TMEM176B: variants seen among roughly 807,000 people sequenced by gnomAD.
The protein encoded by TMEM176B is LR8-like protein.
A neutral mutation model predicts 30.3 loss-of-function variants in TMEM176B; 28 were observed. The ratio of observed to expected loss-of-function variants is 0.92; its 90% CI spans 0.68 to 1.27. The LOEUF is 1.27. TMEM176B is among the 50% of genes most tolerant of loss of function. The probability of loss-of-function intolerance (pLI) is 0.00; values close to 1 mark genes in which losing one functional copy is unlikely to be tolerated. For missense variants in TMEM176B, 349 were observed against 327.4 expected (o/e 1.07, Z -0.51); for synonymous variants, 123 against 130.3 (o/e 0.94, Z 0.38).
chr7:150,800,073 A>T (rs1249248037), intron 1 of TMEM176B: 1 of 151,968 alleles, frequency 6.6e-6, no homozygotes, highest in Admixed American at 6.6e-5. Context: ...GGTGGACGGG[A>T]CGCGCCAGCC....
At chr7:150,796,812 C>T (rs118173737) in intron 1 of TMEM176B, 27 of 477,968 alleles carry the variant, frequency 5.6e-5, no homozygotes, top group South Asian at 4.0e-4. Context: ...TACAAAAATC[C>T]GCACGGTGGT....
rs371966025 is a variant in TMEM176B, at chr7:150,796,336, C to T, written c.204+30G>A. ...TTGACCTCATCACCTCGTTAACGTG[C>T]CCCCCAACCCCGCACCACCCCAGTC... On this transcript the variant is annotated intron_variant, in intron 2 of 6. Transcript: ENST00000326442. The T allele has an allele frequency of 8.3e-5, 133 of 1,597,022 alleles. 1 individual carries two copies. In the East Asian group the frequency reaches 2.6e-3, roughly 31 times the overall value.
intron 6 of TMEM176B, 82 bp from the exon 7 acceptor site, chr7:150,791,705 A>G: frequency 7.9e-7 from 1 of 1,269,038 alleles, no homozygotes; most frequent in South Asian, 1.4e-5. Flanking sequence ...AAGCAGAAAG[A>G]GGAAAGGAGG....
rs113219674 is a variant in TMEM176B at position 150,791,607 on chromosome 7, T to G, written c.737A>C (p.Glu246Ala). ...SSQPLNEEGSEKRLLGENSVP... is the reference protein window; with the variant it reads ...SSQPLNEEGSAKRLLGENSVP... ...TGAATTCTCCCCCAGTAGCCTCTTC[T>G]CTGATCCTTCCTCATTCTGGAAAAA... Residue 246 changes from glutamate (E) to alanine (A), a missense_variant, in exon 7 of 7, where the codon GAG (glutamate) becomes GCG (alanine). Transcript: ENST00000326442. The G allele has an allele frequency of 1.9e-6, 3 of 1,613,688 alleles. No homozygotes were observed. In the African/African-American group the frequency reaches 4.0e-5, roughly 22 times the overall value.
chr7:150,793,530 T>C lies in TMEM176B; in HGVS notation c.372+14A>G. ...GTCAGTGAACAAGGTGGAGAGAGGGTGTCCAAGACTCACAGCAAGTTTGCC... is the reference window on the plus strand; with the variant it reads ...GTCAGTGAACAAGGTGGAGAGAGGGCGTCCAAGACTCACAGCAAGTTTGCC... On this transcript the variant is annotated intron_variant, in intron 4 of 6. Transcript: ENST00000326442. The C allele has an allele frequency of 1.2e-6, 2 of 1,612,454 alleles. No individual in the cohort carries two copies. Among genetic ancestry groups the C allele is most frequent in the South Asian group, 2.2e-5 (2 of 90,602 alleles).
At chr7:150,797,603 T>C (rs1219256351) in intron 1 of TMEM176B, among the ~76,000 whole-genome samples, 1 of 152,198 alleles carries the variant, frequency 6.6e-6, no homozygotes, top group Non-Finnish European at 1.5e-5. Context: ...CTCACAGAAG[T>C]ATTTTTTTGT....
Position 150,795,500 on chromosome 7 carries a change from T to C in TMEM176B, c.204+866A>G, listed in dbSNP as rs117377856. 8.2e-3 allele frequency among the ~76,000 whole-genome samples: 1,251 copies of C among 152,330 alleles called. 12 individuals are homozygous for C. Among genetic ancestry groups the C allele is most frequent in the Middle Eastern group, 0.024 (7 of 294 alleles). On this transcript the variant is annotated intron_variant, in intron 2 of 6. Coordinates refer to ENST00000326442, the MANE Select transcript of TMEM176B (RefSeq NM_001101312.2). ...GCTTCTCCCTCACCTGATCTACCTTTAGTTCCAGTCATTAGTGTAGCTGCT... is the reference window on the plus strand; with the variant it reads ...GCTTCTCCCTCACCTGATCTACCTTCAGTTCCAGTCATTAGTGTAGCTGCT...
rs556100315 is a variant in TMEM176B at position 150,794,359 on chromosome 7, C to G, written c.205-288G>C. On this transcript the variant is annotated intron_variant, in intron 2 of 6. Transcript: ENST00000326442. Reference sequence around the variant, plus strand: ...CCTGAAGATTCCCACTTTTCCCCCCCCATTCTCCTTCAGAGGTCCCATTGT... The same window carrying G: ...CCTGAAGATTCCCACTTTTCCCCCCGCATTCTCCTTCAGAGGTCCCATTGT... Among the ~76,000 whole-genome samples, 5 of 152,124 alleles carry G rather than the reference C, an allele frequency of 3.3e-5. No homozygotes were observed. The South Asian group carries it at 6.2e-4, about 19-fold the overall frequency.
intron 1 of TMEM176B, 160 bp downstream of exon 1, chr7:150,800,138 C>G (rs1027019387): frequency 1.3e-5 from 2 of 152,666 alleles, no homozygotes; most frequent in East Asian, 3.8e-4. Flanking sequence ...CACCTGCACC[C>G]AGCTGTCCCT....
intron 1 of TMEM176B, among the ~76,000 whole-genome samples, chr7:150,797,575 C>G (rs999487172): frequency 6.6e-6 from 1 of 152,200 alleles, no homozygotes; most frequent in African/African-American, 2.4e-5. Flanking sequence ...GTTAGACAGG[C>G]AGTTGCTGGT....
chr7:150,793,088 C>G lies in TMEM176B; in HGVS notation c.600G>C (p.Arg200Ser). The G allele has an allele frequency of 1.2e-6, 2 of 1,613,732 alleles. No individual in the cohort carries two copies. The highest frequency in any genetic ancestry group is 1.7e-6 in the Non-Finnish European group (2 of 1,179,874). Residue 200 changes from arginine to serine, a missense_variant and splice_region_variant, in exon 5 of 7, where the codon AGG (arginine) becomes AGC (serine). By Grantham distance (110) the Arg-to-Ser change is moderately radical. Transcript: ENST00000326442. The part of the protein sequence containing the change: ...EECRAYMQML[R>S]KLFTAIRALF... ...CGAAGACTGGACTCTTCCTGCTCAC[C>G]CTCAGCATCTGCATGTAAGCTCTAC... is the stretch of plus-strand genomic sequence containing the variant.
intron 2 of TMEM176B, 113 bp from the exon 3 acceptor site, chr7:150,794,184 C>G: frequency 1.4e-6 from 1 of 691,662 alleles, no homozygotes; most frequent in Middle Eastern, 2.5e-4. Flanking sequence ...TTTTCCTCTG[C>G]CTTGACCTCT....
chr7:150,791,819 G>T (rs913372884), intron 6 of TMEM176B, among the ~76,000 whole-genome samples, 196 bp from the exon 7 acceptor site: 8 of 151,866 alleles, frequency 5.3e-5, no homozygotes, highest in Admixed American at 2.0e-4. Context: ...AGAGGGGAGA[G>T]TGGGGAGATC....
At position 150,791,330 on chromosome 7, in the gene TMEM176B, T is replaced by A. The variant is rs1798293289; in HGVS notation, c.*201A>T. 1.9e-6 allele frequency: 1 copy of A among 514,506 alleles called. No individual in the cohort carries two copies. The highest frequency in any genetic ancestry group is 1.9e-5 in the African/African-American group (1 of 52,510). 31.9% of individuals were successfully genotyped at this position (514,506 alleles called of 1,614,324 possible). A position where few individuals can be genotyped will look rare whatever the true frequency, so the allele number is the denominator to read the frequency against. On this transcript the variant is annotated 3_prime_UTR_variant, in exon 7 of 7. Coordinates refer to ENST00000326442, the MANE Select transcript of TMEM176B (RefSeq NM_001101312.2). ...TTTCTGGATTGTTTATTATGTTTAA[T>A]CAGCATTGTGGAAAATGCAACAATA...
At chr7:150,792,436 GA>G in intron 5 of TMEM176B, among the ~76,000 whole-genome samples, 1 of 152,310 alleles carries the variant, frequency 6.6e-6, no homozygotes, top group East Asian at 1.9e-4. Flanking sequence ...CAGTGAAAGT[GA>G]CACTATACAG....
intron 3 of TMEM176B, 116 bp from the exon 4 acceptor site, chr7:150,793,716 CAAA>C: frequency 1.1e-6 from 1 of 929,116 alleles, no homozygotes; most frequent in Non-Finnish European, 1.7e-6. Flanking sequence ...CAGGGACAGA[CAAA>C]GAACTCTGAC....
At chr7:150,791,742 G>C in intron 6 of TMEM176B, 119 bp from the exon 7 acceptor site, 1 of 957,864 alleles carries the variant, frequency 1.0e-6, no homozygotes, top group South Asian at 1.8e-5. Flanking sequence ...GACAGGAAAA[G>C]CAGATCAGGC....
chr7:150,800,406 C>T (rs956980661), upstream of TMEM176B: 1 of 152,098 alleles, frequency 6.6e-6, no homozygotes, highest in Non-Finnish European at 1.5e-5. Context: ...GGGCTGCGGC[C>T]CCGCCCAGGC....
intron 1 of TMEM176B, among the ~76,000 whole-genome samples, chr7:150,797,412 G>A (rs1798571360): frequency 6.6e-6 from 1 of 152,190 alleles, no homozygotes; most frequent in East Asian, 1.9e-4. Flanking sequence ...GCATTGCAAT[G>A]AGAATATGCT....
Sources: allele counts gnomAD v4.1 joint callset (sites outside exome capture counted in the v4.1 genomes callset), GRCh38; gene constraint gnomAD v4.1.1; transcripts MANE v1.5; gene names NCBI Gene and HGNC (gene_info 2026-07-23, HGNC 2026-07-21).